Variants in NDST1 observed in about 807,000 individuals in gnomAD.
The protein encoded by NDST1 is N-deacetylase and N-sulfotransferase 1.
A neutral mutation model predicts 92.8 loss-of-function variants in NDST1; 35 were observed. The observed-to-expected ratio is 0.38, with a 90% CI of 0.29 to 0.50. NDST1 has a LOEUF of 0.50. Ranked by LOEUF, NDST1 falls within the 20% of genes least tolerant of loss-of-function variation. The probability of loss-of-function intolerance (pLI) is 0.94; values close to 1 mark genes in which losing one functional copy is unlikely to be tolerated. For missense variants in NDST1, 822 were observed against 1,182.7 expected, an observed-to-expected ratio of 0.69 and a Z score of 4.47; for synonymous variants, 493 against 500.3, an observed-to-expected ratio of 0.99 and a Z score of 0.19.
chr5:150,529,006 A>C (rs888191361), intron 3 of NDST1, among the ~76,000 whole-genome samples: 1 of 152,090 alleles, frequency 6.6e-6, no homozygotes, highest in African/African-American at 2.4e-5. Context: ...CGCCTACAAA[A>C]CTCTTAAAAT....
intron 14 of NDST1, 65 bp downstream of exon 14, chr5:150,551,920 G>C: frequency 6.3e-7 from 1 of 1,592,784 alleles, no homozygotes; most frequent in Non-Finnish European, 8.6e-7. Flanking sequence ...ATGGAGTTGA[G>C]GGGGATTCTC....
At chr5:150,546,038 C>T (rs1403204295) in intron 11 of NDST1, among the ~76,000 whole-genome samples, 2 of 137,388 alleles carry the variant, frequency 1.5e-5, no homozygotes, top group African/African-American at 5.6e-5. Context: ...TGCTCTGTAG[C>T]CCAGGCTGGA....
intron 1 of NDST1, among the ~76,000 whole-genome samples, chr5:150,510,987 G>A (rs1286143943): frequency 6.6e-6 from 1 of 152,202 alleles, no homozygotes; most frequent in Non-Finnish European, 1.5e-5. Flanking sequence ...CGGAGATGGG[G>A]GATGAGGGGC....
At position 150,520,917 on chromosome 5, in the gene NDST1, C is replaced by T. The variant is rs1000093743; in HGVS notation, c.-338C>T. The T allele has an allele frequency of 1.9e-5, 10 of 519,536 alleles. No homozygotes were observed. Among genetic ancestry groups the T allele is most frequent in the Admixed American group, 1.8e-4 (5 of 27,656 alleles). 32.2% of individuals were successfully genotyped at this position (519,536 alleles called of 1,614,324 possible). A position where few individuals can be genotyped will look rare whatever the true frequency, so the allele number is the denominator to read the frequency against. On this transcript the variant is annotated 5_prime_UTR_variant, in exon 2 of 15. Transcript: ENST00000261797. Reference sequence around the variant, plus strand: ...GTGAGCGGCATGCAGCACCCCCGGGCCTGTCCAGTGTCCTCTGGCCTGCTG... The same window carrying T: ...GTGAGCGGCATGCAGCACCCCCGGGTCTGTCCAGTGTCCTCTGGCCTGCTG...
chr5:150,548,324 G>A lies in NDST1; in HGVS notation c.2252G>A (p.Cys751Tyr). ...AAGCTGCGTGCCCTCCAGAACCGCT[G>A]CCTGGTCCCTGGCTGGTACGCCACC... Reference protein sequence around the residue: ...SSKLRALQNRCLVPGWYATHI... With the variant: ...SSKLRALQNRYLVPGWYATHI... Residue 751 changes from cysteine (C) to tyrosine (Y), a missense_variant, in exon 12 of 15, where the codon TGC (cysteine) becomes TAC (tyrosine). Transcript: ENST00000261797. 1 of 1,614,046 alleles carries A rather than the reference G, an allele frequency of 6.2e-7. No homozygotes were observed. The highest frequency in any genetic ancestry group is 8.5e-7 in the Non-Finnish European group (1 of 1,180,050).
At chr5:150,532,791 T>C (rs1002042900) in intron 3 of NDST1, among the ~76,000 whole-genome samples, 154 bp from the exon 4 acceptor site, 4 of 152,172 alleles carry the variant, frequency 2.6e-5, no homozygotes, top group African/African-American at 2.4e-5. Flanking sequence ...CTTCCCAAAC[T>C]GCTGGGATTA....
At chr5:150,534,701 AGGGCTCTGGGCTG>A (rs1754904396) in intron 4 of NDST1, among the ~76,000 whole-genome samples, 153 bp from the exon 5 acceptor site, 1 of 152,228 alleles carries the variant, frequency 6.6e-6, no homozygotes, top group African/African-American at 2.4e-5. Context: ...ACTAGAATTC[AGGGCTCTGGGCTG>A]GGGCTCTGTC....
rs1162081629 is a variant in NDST1, at chr5:150,555,738, A to G, written c.*2406A>G. ...GGCCTGGAGGCCTCTCTCGCAGAGC[A>G]TGGAAGGCAGGAGAGGTGGGCTGGC... is the stretch of plus-strand genomic sequence containing the variant. On this transcript the variant is annotated 3_prime_UTR_variant, in exon 15 of 15. Coordinates refer to ENST00000261797, the MANE Select transcript of NDST1 (RefSeq NM_001543.5). 1 of 152,240 alleles carries G rather than the reference A, an allele frequency of 6.6e-6. No homozygotes were observed. Among genetic ancestry groups the G allele is most frequent in the Non-Finnish European group, 1.5e-5 (1 of 68,060 alleles). 9.4% of individuals were successfully genotyped at this position (152,240 alleles called of 1,614,324 possible). A position where few individuals can be genotyped will look rare whatever the true frequency, so the allele number is the denominator to read the frequency against.
chr5:150,546,083 C>T (rs1364028033), intron 11 of NDST1, among the ~76,000 whole-genome samples: 2 of 150,834 alleles, frequency 1.3e-5, no homozygotes, highest in Admixed American at 6.6e-5. Context: ...CTGCAACATC[C>T]GCCTTCCAGT....
intron 3 of NDST1, among the ~76,000 whole-genome samples, chr5:150,531,405 T>C (rs1581383529): frequency 6.6e-6 from 1 of 152,244 alleles, no homozygotes; most frequent in South Asian, 2.1e-4. Flanking sequence ...GGTAAGATGC[T>C]GATGGTGACT....
rs1331688475 is a variant in NDST1 at position 150,554,203 on chromosome 5, G to A, written c.*871G>A. The A allele has an allele frequency of 5.0e-6, 2 of 398,456 alleles. No homozygotes were observed. Among genetic ancestry groups the A allele is most frequent in the Non-Finnish European group, 8.9e-6 (2 of 225,908 alleles). The allele number at this position is 398,456 out of a possible 1,614,324, so 24.7% of individuals were successfully genotyped here. A position where few individuals can be genotyped will look rare whatever the true frequency, so the allele number is the denominator to read the frequency against. ...AGACTGCCAGCCACGGCTTTGCTTAGCCACCTGTGGCCGAGGGCTCTCAGA... is the reference window on the plus strand; with the variant it reads ...AGACTGCCAGCCACGGCTTTGCTTAACCACCTGTGGCCGAGGGCTCTCAGA... On this transcript the variant is annotated 3_prime_UTR_variant, in exon 15 of 15. Transcript: ENST00000261797.
chr5:150,552,808 T>C (rs1581416426), intron 14 of NDST1, among the ~76,000 whole-genome samples: 1 of 151,952 alleles, frequency 6.6e-6, no homozygotes, highest in Non-Finnish European at 1.5e-5. Flanking sequence ...AAATAAGAGG[T>C]GTATGGGGGG....
At position 150,509,561 on chromosome 5, in the gene NDST1, A is replaced by G. The variant is rs371525267; in HGVS notation, c.-388+1335A>G. Among the ~76,000 whole-genome samples, 16 of 152,178 alleles carry G rather than the reference A, an allele frequency of 1.1e-4. No homozygotes were observed. In the South Asian group the frequency reaches 2.3e-3, roughly 22 times the overall value. Reference sequence around the variant, plus strand: ...TTTGAGATGGAGTTTCGCTCAGGCTAGAGTGCAATGGCGCCATCTCGGCTC... The same window carrying G: ...TTTGAGATGGAGTTTCGCTCAGGCTGGAGTGCAATGGCGCCATCTCGGCTC... On this transcript the variant is annotated intron_variant, in intron 1 of 14. Coordinates refer to ENST00000261797, the MANE Select transcript of NDST1 (RefSeq NM_001543.5).
chr5:150,540,266 T>TG lies in NDST1; in HGVS notation c.1749+8dup, dbSNP rs528143978. ...GAGGAGAAGGACCCGCTCTGGCAGGTGGGGGGCTGGGCAGCCTGGGCAGGT... is the reference window on the plus strand; with the variant it reads ...GAGGAGAAGGACCCGCTCTGGCAGGTGGGGGGGCTGGGCAGCCTGGGCAGGT... On this transcript the variant is annotated splice_region_variant and intron_variant, in intron 8 of 14. Coordinates refer to ENST00000261797, the MANE Select transcript of NDST1 (RefSeq NM_001543.5). 2.0e-3 allele frequency: 3,202 copies of TG among 1,599,600 alleles called. 7 individuals carry two copies. Among genetic ancestry groups the TG allele is most frequent in the Non-Finnish European group, 2.4e-3 (2,853 of 1,171,156 alleles).
At chr5:150,512,209 C>T (rs1439620482) in intron 1 of NDST1, among the ~76,000 whole-genome samples, 2 of 152,208 alleles carry the variant, frequency 1.3e-5, no homozygotes, top group East Asian at 3.9e-4. Flanking sequence ...ATGATGATGC[C>T]ATTTGAGCCT....
At chr5:150,525,256 T>C (rs1294953876) in intron 2 of NDST1, among the ~76,000 whole-genome samples, 1 of 152,216 alleles carries the variant, frequency 6.6e-6, no homozygotes, top group Admixed American at 6.5e-5. Context: ...TCATTGCCAA[T>C]GGATAGGCCA....
intron 10 of NDST1, among the ~76,000 whole-genome samples, chr5:150,543,670 C>T (rs1394496945): frequency 2.6e-5 from 4 of 152,218 alleles, no homozygotes; most frequent in Non-Finnish European, 5.9e-5. Flanking sequence ...CCAATCATCA[C>T]GTGCATGGAC....
At chr5:150,537,085 A>G (rs369180732) in intron 6 of NDST1, among the ~76,000 whole-genome samples, 1 of 152,254 alleles carries the variant, frequency 6.6e-6, no homozygotes, top group Admixed American at 6.5e-5. Context: ...CGCTTCCCCA[A>G]TCAATACTCT....
chr5:150,510,652 GGAA>G (rs1753681409), intron 1 of NDST1, among the ~76,000 whole-genome samples: 1 of 152,190 alleles, frequency 6.6e-6, no homozygotes, highest in African/African-American at 2.4e-5. Context: ...AGGCCCTGTT[GGAA>G]GAAGGACACA....
Sources: allele counts gnomAD v4.1 joint callset (sites outside exome capture counted in the v4.1 genomes callset), GRCh38; gene constraint gnomAD v4.1.1; transcripts MANE v1.5; gene names NCBI Gene and HGNC (gene_info 2026-07-23, HGNC 2026-07-21).